Variants in ST3GAL5 observed in about 807,000 individuals in gnomAD.
The protein encoded by ST3GAL5 is lactosylceramide alpha-2,3-sialyltransferase.
A neutral mutation model predicts 46.1 loss-of-function variants in ST3GAL5; 25 were observed. That is an observed-to-expected ratio of 0.54 (90% CI 0.40 to 0.76). ST3GAL5 has a LOEUF of 0.76. Among genes scored for constraint, ST3GAL5 ranks in the 30% least tolerant of loss-of-function variants. The pLI is 0.00. For synonymous variants in ST3GAL5, 182 were observed against 192.7 expected, an observed-to-expected ratio of 0.94 and a Z score of 0.46; for missense variants, 431 against 521.2, an observed-to-expected ratio of 0.83 and a Z score of 1.69.
chr2:85,870,803 C>T (rs951868104), intron 1 of ST3GAL5, among the ~76,000 whole-genome samples: 49 of 151,774 alleles, frequency 3.2e-4, no homozygotes, highest in African/African-American at 1.2e-3. Context: ...AAACCTCCCA[C>T]GTAGCTGGGA....
At chr2:85,863,708 T>A (rs1172973174) in intron 1 of ST3GAL5, among the ~76,000 whole-genome samples, 1 of 151,226 alleles carries the variant, frequency 6.6e-6, no homozygotes, top group Non-Finnish European at 1.5e-5. Flanking sequence ...TTCTCAACAT[T>A]CTTTTTTTTT....
At chr2:85,845,281 G>T in intron 5 of ST3GAL5, 1 of 153,346 alleles carries the variant, frequency 6.5e-6, no homozygotes, top group Non-Finnish European at 1.5e-5. Flanking sequence ...GGAATGCCAT[G>T]AATTTATTCC....
intron 5 of ST3GAL5, chr2:85,845,711 G>GT (rs35921749): frequency 0.31 from 47,626 of 152,456 alleles, 7,783 homozygotes; most frequent in East Asian, 0.54. Context: ...TTTCAACTGG[G>GT]GGGCAGGGTC....
intron 1 of ST3GAL5, among the ~76,000 whole-genome samples, chr2:85,874,328 G>A (rs555589020): frequency 2.6e-5 from 4 of 152,272 alleles, no homozygotes; most frequent in East Asian, 1.9e-4. Context: ...TTCCCAGCAC[G>A]CACGATGGGA....
At chr2:85,877,343 T>G (rs1188973719) in intron 1 of ST3GAL5, among the ~76,000 whole-genome samples, 4 of 152,264 alleles carry the variant, frequency 2.6e-5, no homozygotes, top group Non-Finnish European at 5.9e-5. Flanking sequence ...TTCACTGTTA[T>G]GTTCCTTTAG....
rs1264817288 is a variant in ST3GAL5 at position 85,888,989 on chromosome 2, C to T, written c.-84G>A. On this transcript the variant is annotated 5_prime_UTR_variant, in exon 1 of 7. Transcript: ENST00000638572. ...CAGCGCCGCTCTCGCGCCCATTCAG[C>T]TGGGGGCCGCCGCTCCCCCGCTCAG... is the stretch of plus-strand genomic sequence containing the variant. The T allele has an allele frequency of 1.9e-6, 2 of 1,070,666 alleles. No homozygotes were observed. Among genetic ancestry groups the T allele is most frequent in the East Asian group, 3.8e-5 (1 of 26,236 alleles). The allele number at this position is 1,070,666 out of a possible 1,614,324, so 66.3% of individuals were successfully genotyped here.
chr2:85,882,323 C>T (rs1033139889), intron 1 of ST3GAL5, among the ~76,000 whole-genome samples: 3 of 152,130 alleles, frequency 2.0e-5, no homozygotes, highest in Admixed American at 6.5e-5. Context: ...AGAGGGCCAC[C>T]GTCCTCCAGA....
chr2:85,876,944 T>C (rs1440814500), intron 1 of ST3GAL5, among the ~76,000 whole-genome samples: 2 of 152,222 alleles, frequency 1.3e-5, no homozygotes, highest in Non-Finnish European at 2.9e-5. Context: ...AACTTTATCT[T>C]GAAATAATTT....
At position 85,870,323 on chromosome 2, in the gene ST3GAL5, T is replaced by C. The variant is rs58334756; in HGVS notation, c.83-6838A>G. The C allele has an allele frequency of 1.1e-3, 506 of 449,444 alleles. 3 individuals are homozygous for C. Among genetic ancestry groups the C allele is most frequent in the African/African-American group, 9.7e-3 (482 of 49,878 alleles). The allele number at this position is 449,444 out of a possible 1,614,324, so 27.8% of individuals were successfully genotyped here. A position where few individuals can be genotyped will look rare whatever the true frequency, so the allele number is the denominator to read the frequency against. On this transcript the variant is annotated intron_variant, in intron 1 of 6. Coordinates refer to ENST00000638572, the MANE Select transcript of ST3GAL5 (RefSeq NM_003896.4). Reference sequence around the variant, plus strand: ...TTTACTGAATAAATACGCAGTTTCTTATGAGGGTTTCGGAGGCGATGGTGG... The same window carrying C: ...TTTACTGAATAAATACGCAGTTTCTCATGAGGGTTTCGGAGGCGATGGTGG...
chr2:85,878,577 C>A (rs1465519727), intron 1 of ST3GAL5, among the ~76,000 whole-genome samples: 4 of 152,114 alleles, frequency 2.6e-5, no homozygotes, highest in African/African-American at 9.7e-5. Flanking sequence ...CTTGTAGAAC[C>A]TCAGTTGAGA....
At chr2:85,841,674 T>C (rs764632605) in intron 6 of ST3GAL5, among the ~76,000 whole-genome samples, 3 of 152,184 alleles carry the variant, frequency 2.0e-5, no homozygotes, top group Non-Finnish European at 4.4e-5. Context: ...ATTTCCACAT[T>C]TGTTCCTTTA....
rs1227346812 is a variant in ST3GAL5, at chr2:85,837,412, T to C, written c.*2732A>G. ...GATCTCATGAAGATAGAGAGTAGAT[T>C]GGTAGTTACCAGAGGCCAAGAAGGG... On this transcript the variant is annotated 3_prime_UTR_variant, in exon 7 of 7. Coordinates refer to ENST00000638572, the MANE Select transcript of ST3GAL5 (RefSeq NM_003896.4). 1 of 152,162 alleles carries C rather than the reference T, an allele frequency of 6.6e-6. No homozygotes were observed. The highest frequency in any genetic ancestry group is 1.9e-4 in the East Asian group (1 of 5,198). The allele number at this position is 152,162 out of a possible 1,614,324, so 9.4% of individuals were successfully genotyped here.
intron 6 of ST3GAL5, among the ~76,000 whole-genome samples, chr2:85,842,389 A>C (rs1265038340): frequency 6.6e-6 from 1 of 152,160 alleles, no homozygotes; most frequent in African/African-American, 2.4e-5. Flanking sequence ...TGATATATGG[A>C]GAGAACTAAA....
chr2:85,843,178 TAATG>T (rs1379034371), intron 6 of ST3GAL5, among the ~76,000 whole-genome samples: 2 of 152,260 alleles, frequency 1.3e-5, no homozygotes, highest in Non-Finnish European at 2.9e-5. Context: ...AATCCCATAA[TAATG>T]AACATTTAGG....
chr2:85,848,305 C>T (rs990725138), intron 3 of ST3GAL5, 101 bp from the exon 4 acceptor site: 22 of 1,610,254 alleles, frequency 1.4e-5, no homozygotes, highest in African/African-American at 4.0e-5. Flanking sequence ...ATGTAGCTCC[C>T]GTGTTGATTA....
intron 1 of ST3GAL5, among the ~76,000 whole-genome samples, chr2:85,886,713 T>C (rs1217814217): frequency 1.3e-5 from 2 of 152,160 alleles, no homozygotes; most frequent in East Asian, 3.8e-4. Flanking sequence ...AGCCTGCGTG[T>C]CACCGTCATA....
At chr2:85,884,570 C>A (rs1353015236) in intron 1 of ST3GAL5, among the ~76,000 whole-genome samples, 1 of 151,912 alleles carries the variant, frequency 6.6e-6, no homozygotes, top group Non-Finnish European at 1.5e-5. Flanking sequence ...GTCCCTAAGT[C>A]CTGGGTGACA....
At chr2:85,888,998 G>A, upstream of ST3GAL5, 1 of 990,944 alleles carries the variant, frequency 1.0e-6, no homozygotes, top group Non-Finnish European at 1.3e-6. Context: ...GCTGGGGGCC[G>A]CCGCTCCCCC....
intron 1 of ST3GAL5, among the ~76,000 whole-genome samples, chr2:85,871,656 T>C (rs994802327): frequency 6.6e-5 from 10 of 152,304 alleles, no homozygotes; most frequent in African/African-American, 2.4e-4. Context: ...TGTCTGCATT[T>C]AACCTGCCAG....
Sources: allele counts gnomAD v4.1 joint callset (sites outside exome capture counted in the v4.1 genomes callset), GRCh38; gene constraint gnomAD v4.1.1; transcripts MANE v1.5; gene names NCBI Gene and HGNC (gene_info 2026-07-23, HGNC 2026-07-21).